The following APLF variants were observed in gnomAD, a reference collection of about 807,000 sequenced individuals.
APLF encodes the protein aprataxin and PNKP like factor, also known as aprataxin and PNK-like factor.
A neutral mutation model predicts 55.6 loss-of-function variants in APLF; 61 were observed. That is an observed-to-expected ratio of 1.10 (90% confidence interval 0.89 to 1.36). The LOEUF is 1.36. Among genes scored for constraint, APLF ranks in the 40% most tolerant of loss-of-function variants. APLF has a pLI of 0.00. For missense variants in APLF, 611 were observed against 602.5 expected (o/e 1.01, Z -0.15); for synonymous variants, 207 against 214.8 (o/e 0.96, Z 0.32).
chr2:68,563,437 C>G (rs186483822), intron 8 of APLF: 2 of 835,460 alleles, frequency 2.4e-6, no homozygotes, highest in African/African-American at 1.9e-5. Flanking sequence ...ATGGTGCATG[C>G]GAGTGCAACT....
chr2:68,490,907 G>A (rs765642649), intron 2 of APLF, among the ~76,000 whole-genome samples: 4 of 152,092 alleles, frequency 2.6e-5, no homozygotes, highest in African/African-American at 7.2e-5. Flanking sequence ...AGACTAGATC[G>A]TATGGTGGTA....
At chr2:68,556,013 C>G (rs182785089) in intron 8 of APLF, among the ~76,000 whole-genome samples, 4 of 152,164 alleles carry the variant, frequency 2.6e-5, no homozygotes, top group African/African-American at 9.7e-5. Flanking sequence ...GAATACTACT[C>G]AACTGTAAGA....
At chr2:68,472,942 C>A (rs1252881285) in intron 1 of APLF, among the ~76,000 whole-genome samples, 3 of 152,144 alleles carry the variant, frequency 2.0e-5, no homozygotes, top group Admixed American at 2.0e-4. Context: ...TGCCCTCTTA[C>A]ATGTACAGCT....
At chr2:68,512,915 T>C (rs922453224) in intron 3 of APLF, among the ~76,000 whole-genome samples, 165 bp from the exon 4 acceptor site, 1 of 151,738 alleles carries the variant, frequency 6.6e-6, no homozygotes, top group Non-Finnish European at 1.5e-5. Flanking sequence ...ATACAGCAGG[T>C]AGGAAATAAA....
intron 6 of APLF, among the ~76,000 whole-genome samples, chr2:68,536,558 C>T (rs751424593): frequency 3.3e-5 from 5 of 151,906 alleles, no homozygotes; most frequent in African/African-American, 7.3e-5. Flanking sequence ...TTCTACTCCA[C>T]GGGAAGTATA....
chr2:68,497,072 T>G (rs1676571276), intron 2 of APLF, among the ~76,000 whole-genome samples: 1 of 152,196 alleles, frequency 6.6e-6, no homozygotes, highest in Admixed American at 6.5e-5. Flanking sequence ...TATAAAGAAA[T>G]ACCTGAGACT....
intron 6 of APLF, among the ~76,000 whole-genome samples, chr2:68,527,233 G>T (rs1294946984): frequency 6.7e-6 from 1 of 150,186 alleles, no homozygotes; most frequent in African/African-American, 2.5e-5. Context: ...AGGCAGAGGC[G>T]CTTCTCATTT....
At chr2:68,548,306 A>T (rs1438885958) in intron 8 of APLF, among the ~76,000 whole-genome samples, 1 of 151,986 alleles carries the variant, frequency 6.6e-6, no homozygotes, top group Admixed American at 6.6e-5. Flanking sequence ...AAGAGAATAA[A>T]AACAAAGCAC....
In APLF at chr2:68,578,172, G is replaced by A. The variant is rs1174391791; in HGVS notation, c.*150G>A. On this transcript the variant is annotated 3_prime_UTR_variant, in exon 10 of 10. Transcript: ENST00000303795. ...ACTGACTCTTTACAAATGAGACATT[G>A]AAACGTCAGCCTTCAGTATAATAGA... 7.1e-7 allele frequency: 1 copy of A among 1,412,560 alleles called. No homozygotes were observed. Among genetic ancestry groups the A allele is most frequent in the East Asian group, 2.6e-5 (1 of 38,582 alleles). 87.5% of individuals were successfully genotyped at this position (1,412,560 alleles called of 1,614,324 possible).
At chr2:68,522,261 T>G (rs996665149) in intron 5 of APLF, among the ~76,000 whole-genome samples, 7 of 151,884 alleles carry the variant, frequency 4.6e-5, no homozygotes, top group Non-Finnish European at 8.8e-5. Context: ...TTTTCAGGAA[T>G]AACTTGAATT....
Position 68,566,359 on chromosome 2 carries a change from G to A in APLF, c.1287-982G>A, listed in dbSNP as rs377030614. 9.2e-5 allele frequency among the ~76,000 whole-genome samples: 14 copies of A among 152,110 alleles called. No homozygotes were observed. The South Asian group carries it at 2.9e-3, about 32-fold the overall frequency. On this transcript the variant is annotated intron_variant, in intron 8 of 9. Coordinates refer to ENST00000303795, the MANE Select transcript of APLF (RefSeq NM_173545.3). Reference sequence around the variant, plus strand: ...GTTCTTATTTTTCAGTGAAGAAAGTGCTTCTTTAATGTCTACCTTGCTCCT... The same window carrying A: ...GTTCTTATTTTTCAGTGAAGAAAGTACTTCTTTAATGTCTACCTTGCTCCT...
intron 1 of APLF, among the ~76,000 whole-genome samples, chr2:68,476,630 T>A (rs1675784274): frequency 6.6e-6 from 1 of 152,046 alleles, no homozygotes; most frequent in Admixed American, 6.6e-5. Context: ...GGTATATATA[T>A]TTTATTCAGT....
In APLF at chr2:68,526,064, A is replaced by G. The variant is rs926056656; in HGVS notation, c.626A>G (p.Asn209Ser). The G allele has an allele frequency of 1.2e-6, 2 of 1,611,548 alleles. No homozygotes were observed. Among genetic ancestry groups the G allele is most frequent in the African/African-American group, 1.3e-5 (1 of 74,658 alleles). ...NLSVPAISGG[N>S]VIQGSGKEEI... is the part of the protein sequence containing the mutation. ...TCTTTTTCTTTATGTGTTTAAGGTA[A>G]TGTAATCCAGGGAAGTGGAAAAGAA... The change falls in exon 6 of 10, where the codon AAT becomes AGT. Residue 209 changes from asparagine (N) to serine (S), a missense_variant. Transcript: ENST00000303795.
In APLF at chr2:68,529,165, G is replaced by GT. The variant is rs1052445592; in HGVS notation, c.804+2923_804+2924insT. On this transcript the variant is annotated intron_variant, in intron 6 of 9. Coordinates refer to ENST00000303795, the MANE Select transcript of APLF (RefSeq NM_173545.3). This position sits in a 1 kb window ranked among gnomAD's most constrained non-coding sequence, Gnocchi z 4.4. ...CAGACAGCACGGGTTTCTTCCTTGA[G>GT]GGGGGGCTCCAGACAACAGGAGGCA... The GT allele has an allele frequency of 7.9e-6, 10 of 1,272,628 alleles. No individual in the cohort carries two copies. In the African/African-American group the frequency reaches 2.1e-4, roughly 27 times the overall value. 78.8% of individuals were successfully genotyped at this position (1,272,628 alleles called of 1,614,324 possible). A position where few individuals can be genotyped will look rare whatever the true frequency, so the allele number is the denominator to read the frequency against.
At chr2:68,536,135 G>A (rs1254527475) in intron 6 of APLF, among the ~76,000 whole-genome samples, 4 of 152,188 alleles carry the variant, frequency 2.6e-5, no homozygotes, top group Non-Finnish European at 5.9e-5. Context: ...CAGACCAGTT[G>A]GTCCTGGAGT....
chr2:68,520,289 TC>T (rs1391825223), intron 5 of APLF, among the ~76,000 whole-genome samples: 1 of 152,096 alleles, frequency 6.6e-6, no homozygotes, highest in Non-Finnish European at 1.5e-5. Flanking sequence ...GCTGATTATT[TC>T]TTTTGCGTGC....
At chr2:68,504,576 T>C (rs76472680) in intron 3 of APLF, among the ~76,000 whole-genome samples, 2,882 of 152,024 alleles carry the variant, frequency 0.019, 108 homozygotes, top group African/African-American at 0.066. Context: ...CACCTCTTCA[T>C]GATTTTTAAA....
intron 5 of APLF, among the ~76,000 whole-genome samples, chr2:68,521,008 A>G (rs1013502893): frequency 6.6e-5 from 10 of 151,882 alleles, no homozygotes; most frequent in Middle Eastern, 3.4e-3. Flanking sequence ...AGTGTTTTGT[A>G]CTTTTCCTTG....
At chr2:68,485,900 C>T (rs1676156952) in intron 1 of APLF, among the ~76,000 whole-genome samples, 1 of 150,678 alleles carries the variant, frequency 6.6e-6, no homozygotes, top group South Asian at 2.1e-4. Context: ...ACCTTGACCT[C>T]CTGGGCTCAA....
Sources: gnomAD v4.1 joint callset for allele counts (sites outside exome capture counted in the v4.1 genomes callset) on GRCh38, gnomAD v4.1.1 for gene constraint, Gnocchi (gnomAD v3.1) non-coding constraint, MANE v1.5 for transcripts, NCBI Gene and HGNC (gene_info 2026-07-23, HGNC 2026-07-21) for gene names.